Variants in SEL1L observed in about 807,000 individuals in gnomAD.
SEL1L encodes the protein SEL1L adaptor subunit of SYVN1 ubiquitin ligase, also known as protein sel-1 homolog 1.
Under a neutral mutation model 109.8 loss-of-function variants are expected in SEL1L, and 52 were observed. The observed-to-expected ratio is 0.47, with a 90% CI of 0.38 to 0.60. The LOEUF is 0.60. Among genes scored for constraint, SEL1L ranks in the 20% least tolerant of loss-of-function variants. The probability of loss-of-function intolerance (pLI) is 0.00; values close to 1 mark genes in which losing one functional copy is unlikely to be tolerated. For missense variants in SEL1L, 749 were observed against 962.2 expected, an observed-to-expected ratio of 0.78 and a Z score of 2.93; for synonymous variants, 373 against 339.6, an observed-to-expected ratio of 1.10 and a Z score of -1.08.
chr14:81,489,454 T>C, intron 13 of SEL1L, 140 bp from the exon 14 acceptor site: 1 of 692,854 alleles, frequency 1.4e-6, no homozygotes, highest in African/African-American at 1.8e-5. Context: ...CAAAACTTTC[T>C]TCTTCTCATC....
intron 10 of SEL1L, 60 bp from the exon 11 acceptor site, chr14:81,495,197 C>T: frequency 7.5e-6 from 11 of 1,461,316 alleles, no homozygotes; most frequent in Non-Finnish European, 1.1e-5. Context: ...CAATTAAAAT[C>T]AGACCAACAA....
At chr14:81,487,159 C>A (rs1903546758) in intron 16 of SEL1L, among the ~76,000 whole-genome samples, 1 of 151,930 alleles carries the variant, frequency 6.6e-6, no homozygotes, top group Non-Finnish European at 1.5e-5. Context: ...GCTAGAGATA[C>A]TGCAGACACC....
At chr14:81,512,214 C>G (rs968483560) in intron 3 of SEL1L, among the ~76,000 whole-genome samples, 1 of 152,142 alleles carries the variant, frequency 6.6e-6, no homozygotes, top group Non-Finnish European at 1.5e-5. Flanking sequence ...CAGACCTCAC[C>G]CAATCAGTTG....
intron 11 of SEL1L, among the ~76,000 whole-genome samples, chr14:81,494,269 G>A (rs1420435189): frequency 6.6e-6 from 1 of 152,096 alleles, no homozygotes; most frequent in Non-Finnish European, 1.5e-5. Context: ...CCTAAGGCCT[G>A]TTACATTTAC....
At chr14:81,509,018 T>G (rs1409159794) in intron 3 of SEL1L, among the ~76,000 whole-genome samples, 1 of 152,220 alleles carries the variant, frequency 6.6e-6, no homozygotes, top group Non-Finnish European at 1.5e-5. Flanking sequence ...ACTTGCTTCA[T>G]CAATTTAGTC....
At chr14:81,477,294 C>A in intron 20 of SEL1L, 113 bp from the exon 21 acceptor site, 18 of 602,056 alleles carry the variant, frequency 3.0e-5, no homozygotes, top group Non-Finnish European at 4.1e-5. Flanking sequence ...GTTTTAAAAA[C>A]GTTTTGCAAT....
At chr14:81,523,316 A>G (rs1252803309) in intron 3 of SEL1L, among the ~76,000 whole-genome samples, 1 of 152,140 alleles carries the variant, frequency 6.6e-6, no homozygotes, top group Non-Finnish European at 1.5e-5. Flanking sequence ...CTGCATAACA[A>G]AGCTTCCATA....
intron 1 of SEL1L, 45 bp from the exon 2 acceptor site, chr14:81,527,783 A>G: frequency 1.5e-6 from 2 of 1,333,940 alleles, no homozygotes; most frequent in Non-Finnish European, 2.1e-6. Flanking sequence ...TCTTGTTGGG[A>G]AATTAGTTAT....
intron 3 of SEL1L, among the ~76,000 whole-genome samples, chr14:81,510,514 C>CTCTCTCTATATATATATATATA (rs35474067): frequency 2.9e-5 from 3 of 104,050 alleles, no homozygotes; most frequent in Non-Finnish European, 6.0e-5. Context: ...CTCTCTCTCT[C>CTCTCTCTATATATATATATATA]TATATATATA....
At chr14:81,510,514 C>CTCTCTCTCTCTCTATA (rs35474067) in intron 3 of SEL1L, among the ~76,000 whole-genome samples, 82 of 104,072 alleles carry the variant, frequency 7.9e-4, no homozygotes, top group East Asian at 1.2e-3. Context: ...CTCTCTCTCT[C>CTCTCTCTCTCTCTATA]TATATATATA....
chr14:81,517,581 T>C (rs1212625163), intron 3 of SEL1L, among the ~76,000 whole-genome samples: 1 of 152,142 alleles, frequency 6.6e-6, no homozygotes, highest in Non-Finnish European at 1.5e-5. Context: ...GCAGCTGTAA[T>C]GTTAACAGTG....
At chr14:81,488,369 T>A (rs1389844987) in intron 14 of SEL1L, among the ~76,000 whole-genome samples, 2 of 152,218 alleles carry the variant, frequency 1.3e-5, no homozygotes, top group Non-Finnish European at 2.9e-5. Flanking sequence ...AGGTCATATG[T>A]ATCCAAGAAG....
rs2140072964 is a variant in SEL1L, at chr14:81,533,712, C to G, written c.33G>C (p.Leu11=). ...AGGCCAAGCTCAGCAGCACCGCACA[C>G]AGCAGCAGCGTCAGCCCTATCCGGA... MRVRIGLTLL[L]CAVLLSLASA... Residue 11 remains leucine, a synonymous_variant, in exon 1 of 21, where the codon CTG becomes CTC. Coordinates refer to ENST00000336735, the MANE Select transcript of SEL1L (RefSeq NM_005065.6). 1 of 1,613,640 alleles carries G rather than the reference C, an allele frequency of 6.2e-7. No homozygotes were observed. Among genetic ancestry groups the G allele is most frequent in the Admixed American group, 1.7e-5 (1 of 60,010 alleles).
At chr14:81,477,317 G>A (rs1264728826) in intron 20 of SEL1L, 136 bp from the exon 21 acceptor site, 29 of 630,750 alleles carry the variant, frequency 4.6e-5, no homozygotes, top group Admixed American at 5.8e-5. Context: ...GTGTGTGTGT[G>A]TGTGTGTGTG....
At chr14:81,492,409 T>C in intron 12 of SEL1L, 71 bp downstream of exon 12, 1 of 1,101,448 alleles carries the variant, frequency 9.1e-7, no homozygotes, top group Non-Finnish European at 1.4e-6. Context: ...TTGTAGATCC[T>C]GAACACAATA....
Position 81,527,742 on chromosome 14 carries a change from CA to C in SEL1L, c.71-5del. 6.3e-7 allele frequency: 1 copy of C among 1,597,234 alleles called. No homozygotes were observed. Among genetic ancestry groups the C allele is most frequent in the South Asian group, 1.1e-5 (1 of 88,286 alleles). On this transcript the variant is annotated splice_region_variant and splice_polypyrimidine_tract_variant and intron_variant, in intron 1 of 20. Coordinates refer to ENST00000336735, the MANE Select transcript of SEL1L (RefSeq NM_005065.6). ...TCATCCTGGCTGCCTTCTTCATCTG[CA>C]AAGAAATTTTAAGACAATTTAGTAA...
intron 11 of SEL1L, 88 bp from the exon 12 acceptor site, chr14:81,492,636 A>T (rs1318960797): frequency 2.8e-5 from 26 of 920,588 alleles, no homozygotes; most frequent in Non-Finnish European, 3.6e-5. Flanking sequence ...AGGAACATTT[A>T]AAAAATCTTG....
rs553645120 is a variant in SEL1L at position 81,523,735 on chromosome 14, A to C, written c.340+2998T>G. On this transcript the variant is annotated intron_variant, in intron 3 of 20. Transcript: ENST00000336735. ...GTGAGATCTAATGCTATCTCCAGGT[A>C]GTGTCAGAATTGAATTAAATCAGCA... Among the ~76,000 whole-genome samples the C allele has an allele frequency of 2.7e-4, 41 of 152,310 alleles. 1 individual carries two copies. The highest frequency in any genetic ancestry group is 2.5e-3 in the Admixed American group (38 of 15,302).
Position 81,498,066 on chromosome 14 carries a change from CA to C in SEL1L, c.974-21del, listed in dbSNP as rs869236890. ...TAGCAACTGAAATAGAGGGATAAAACAATAAGGTGGAGGAAAATCAGAAGAA... is the reference window on the plus strand; with the variant it reads ...TAGCAACTGAAATAGAGGGATAAAACATAAGGTGGAGGAAAATCAGAAGAA... On this transcript the variant is annotated intron_variant, in intron 9 of 20. Coordinates refer to ENST00000336735, the MANE Select transcript of SEL1L (RefSeq NM_005065.6). 7.5e-6 allele frequency: 12 copies of C among 1,594,052 alleles called. No individual in the cohort carries two copies. Among genetic ancestry groups the C allele is most frequent in the Non-Finnish European group, 1.0e-5 (12 of 1,172,976 alleles).
Sources: gnomAD v4.1 joint callset for allele counts (sites outside exome capture counted in the v4.1 genomes callset) on GRCh38, gnomAD v4.1.1 for gene constraint, MANE v1.5 for transcripts, NCBI Gene and HGNC (gene_info 2026-07-23, HGNC 2026-07-21) for gene names.